Variants in PCDHGB3 observed in about 807,000 individuals in gnomAD.
PCDHGB3 encodes the protein protocadherin gamma subfamily B, 3, also known as protocadherin gamma-B3.
Under a neutral mutation model 59.2 loss-of-function variants are expected in PCDHGB3, and 40 were observed. The observed-to-expected ratio is 0.68, with a 90% CI of 0.52 to 0.88. PCDHGB3 has a LOEUF of 0.88. Among genes scored for constraint, PCDHGB3 ranks in the 40% least tolerant of loss-of-function variants. The pLI is 0.00. For synonymous variants in PCDHGB3, 581 were observed against 503.6 expected (o/e 1.15, Z -2.06); for missense variants, 1,309 against 1,187.9 (o/e 1.10, Z -1.50).
intron 1 of PCDHGB3, among the ~76,000 whole-genome samples, chr5:141,466,748 G>A (rs562859284): frequency 6.6e-6 from 1 of 152,238 alleles, no homozygotes; most frequent in South Asian, 2.1e-4. Context: ...TACTCTGATA[G>A]GGGCTCTTTT....
At chr5:141,433,124 G>T in intron 1 of PCDHGB3, 5 of 1,614,136 alleles carry the variant, frequency 3.1e-6, no homozygotes, top group Non-Finnish European at 4.2e-6. Context: ...TGAAAAAAGC[G>T]AGCCCCTTTT....
At chr5:141,382,900 A>T (rs564801333) in intron 1 of PCDHGB3, 4 of 1,542,372 alleles carry the variant, frequency 2.6e-6, no homozygotes, top group Admixed American at 4.2e-5. Context: ...CAGGACGACT[A>T]TGGCGGCTCA....
chr5:141,373,804 T>C, intron 1 of PCDHGB3: 1 of 335,232 alleles, frequency 3.0e-6, no homozygotes, highest in Non-Finnish European at 5.4e-6. Flanking sequence ...ATCCTCTGTG[T>C]GATAGTTTCA....
intron 1 of PCDHGB3, among the ~76,000 whole-genome samples, chr5:141,455,315 T>G (rs1416163436): frequency 6.6e-6 from 1 of 152,152 alleles, no homozygotes; most frequent in Non-Finnish European, 1.5e-5. Context: ...TTAGCAATTT[T>G]GTGTGTGTGT....
At chr5:141,379,976 T>C (rs1459223613) in intron 1 of PCDHGB3, among the ~76,000 whole-genome samples, 1 of 140,200 alleles carries the variant, frequency 7.1e-6, no homozygotes, top group Admixed American at 8.2e-5. Flanking sequence ...CTCTGCTCAC[T>C]GCAACTTCCT....
chr5:141,372,773 T>C lies in PCDHGB3; in HGVS notation c.2379T>C (p.Asn793=). The change falls in exon 1 of 4, where the codon AAT becomes AAC. Residue 793 remains asparagine, a synonymous_variant. Transcript: ENST00000576222. The stretch of plus-strand genomic sequence containing the variant: ...CCTCTTGGTTTGAAAGTAATGACAA[T>C]CCAGAAATGCCTTCTAATTCAGGCA... The part of the protein sequence containing the change: ...DEASWFESND[N]PEMPSNSGNL... The C allele has an allele frequency of 1.2e-6, 2 of 1,610,720 alleles. No individual in the cohort carries two copies. The highest frequency in any genetic ancestry group is 8.5e-7 in the Non-Finnish European group (1 of 1,178,110).
At chr5:141,494,268 C>G (rs576129333) in intron 1 of PCDHGB3, among the ~76,000 whole-genome samples, 31 of 152,288 alleles carry the variant, frequency 2.0e-4, no homozygotes, top group African/African-American at 7.2e-4. Flanking sequence ...TTCTTGCAAG[C>G]CAAGGGCCCA....
At chr5:141,471,263 C>T (rs2099253826) in intron 1 of PCDHGB3, 1 of 151,898 alleles carries the variant, frequency 6.6e-6, no homozygotes, top group African/African-American at 2.4e-5. Context: ...GTTGGCAAGG[C>T]TGGTCTCAAA....
chr5:141,432,413 G>C lies in PCDHGB3; in HGVS notation c.2415+59604G>C, dbSNP rs369816901. 9 of 1,614,114 alleles carry C rather than the reference G, an allele frequency of 5.6e-6. No homozygotes were observed. The highest frequency in any genetic ancestry group is 1.3e-5 in the African/African-American group (1 of 74,946). ...CAGCAACGTGTCGTTGAGCCTGTTCGTGCTGGACCAGAACGACAATGCGCC... is the reference window on the plus strand; with the variant it reads ...CAGCAACGTGTCGTTGAGCCTGTTCCTGCTGGACCAGAACGACAATGCGCC... On this transcript the variant is annotated intron_variant, in intron 1 of 3. Coordinates refer to ENST00000576222, the MANE Select transcript of PCDHGB3 (RefSeq NM_018924.5). This position sits in a 1 kb window ranked among gnomAD's most constrained non-coding sequence, Gnocchi z 6.0.
chr5:141,475,167 G>A (rs529813171), intron 1 of PCDHGB3, among the ~76,000 whole-genome samples: 4 of 152,042 alleles, frequency 2.6e-5, no homozygotes, highest in Admixed American at 6.6e-5. Flanking sequence ...CATTAGCAGT[G>A]CAACTTCTTG....
In PCDHGB3 at chr5:141,394,620, T is replaced by C. The variant is rs775736772; in HGVS notation, c.2415+21811T>C. The C allele has an allele frequency of 8.1e-6, 13 of 1,613,124 alleles. 1 individual carries two copies. In the South Asian group the frequency reaches 1.4e-4, roughly 18 times the overall value. ...GGACAGAGACTCGGGCCAGAACGCC[T>C]GGCTGTCCTACCGCCTGCTCAAGGC... On this transcript the variant is annotated intron_variant, in intron 1 of 3. Coordinates refer to ENST00000576222, the MANE Select transcript of PCDHGB3 (RefSeq NM_018924.5).
intron 1 of PCDHGB3, among the ~76,000 whole-genome samples, chr5:141,462,736 T>C (rs2099045667): frequency 6.6e-6 from 1 of 152,274 alleles, no homozygotes; most frequent in South Asian, 2.1e-4. Flanking sequence ...TTGTCACCTC[T>C]GTAATTCCTA....
intron 1 of PCDHGB3, chr5:141,408,979 C>A (rs1331121466): frequency 6.2e-7 from 1 of 1,613,862 alleles, no homozygotes; most frequent in East Asian, 2.2e-5. Flanking sequence ...CCCCTGGGTC[C>A]CCTGTGTTGC....
Position 141,487,665 on chromosome 5 carries a change from G to T in PCDHGB3, c.2416-7142G>T, listed in dbSNP as rs373971935. 8.7e-5 allele frequency: 141 copies of T among 1,612,724 alleles called. No individual in the cohort carries two copies. The highest frequency in any genetic ancestry group is 1.1e-4 in the Non-Finnish European group (135 of 1,179,392). On this transcript the variant is annotated intron_variant, in intron 1 of 3. Coordinates refer to ENST00000576222, the MANE Select transcript of PCDHGB3 (RefSeq NM_018924.5). The surrounding 1 kb of genome is among the most constrained non-coding windows in gnomAD (Gnocchi z 5.0). ...ATGCTTGAGGGTTATTCTGATCCAG[G>T]CATATGGCTAGGCCATGTCCTAGAG...
At chr5:141,417,915 C>T in intron 1 of PCDHGB3, 1 of 1,603,354 alleles carries the variant, frequency 6.2e-7, no homozygotes. Flanking sequence ...GTACTATTTC[C>T]TTTGCTGCTG....
At position 141,486,827 on chromosome 5, in the gene PCDHGB3, C is replaced by G. The variant is rs758132181; in HGVS notation, c.2416-7980C>G. 1.2e-6 allele frequency: 2 copies of G among 1,614,228 alleles called. No homozygotes were observed. Among genetic ancestry groups the G allele is most frequent in the Admixed American group, 1.7e-5 (1 of 60,034 alleles). On this transcript the variant is annotated intron_variant, in intron 1 of 3. Transcript: ENST00000576222. This position sits in a 1 kb window ranked among gnomAD's most constrained non-coding sequence, Gnocchi z 5.0. ...ACCCCTTAGCAGCACTGTAACAGTTCGTCTATTTGTGCTGGACCTCAATGA... is the reference window on the plus strand; with the variant it reads ...ACCCCTTAGCAGCACTGTAACAGTTGGTCTATTTGTGCTGGACCTCAATGA...
intron 2 of PCDHGB3, among the ~76,000 whole-genome samples, chr5:141,499,209 C>G (rs1171702973): frequency 6.6e-6 from 1 of 152,096 alleles, no homozygotes; most frequent in Admixed American, 6.5e-5. Context: ...GGCTGTAACC[C>G]AGGCCCTGCC....
At chr5:141,510,431 G>A (rs912708135) in intron 3 of PCDHGB3, among the ~76,000 whole-genome samples, 9 of 152,132 alleles carry the variant, frequency 5.9e-5, no homozygotes, top group African/African-American at 1.9e-4. Flanking sequence ...TTTCATGGCT[G>A]CTGCCCTCCA....
intron 1 of PCDHGB3, chr5:141,388,283 C>T (rs1164558432): frequency 1.2e-6 from 2 of 1,613,304 alleles, no homozygotes; most frequent in East Asian, 4.5e-5. Flanking sequence ...CGCCAAAATT[C>T]ACGCAAAATT....
Sources: gnomAD v4.1 joint callset for allele counts (sites outside exome capture counted in the v4.1 genomes callset) on GRCh38, gnomAD v4.1.1 for gene constraint, Gnocchi (gnomAD v3.1) non-coding constraint, MANE v1.5 for transcripts, NCBI Gene and HGNC (gene_info 2026-07-23, HGNC 2026-07-21) for gene names.